The following STXBP4 variants were observed in gnomAD, a reference collection of about 807,000 sequenced individuals.
The protein encoded by STXBP4 is syntaxin binding protein 4, also known as syntaxin-binding protein 4.
In STXBP4, 55 loss-of-function variants were observed where a neutral mutation model predicts 76.1. The ratio of observed to expected loss-of-function variants is 0.72; its 90% confidence interval spans 0.58 to 0.91. STXBP4 has a LOEUF of 0.91. Among genes scored for constraint, STXBP4 ranks in the 40% least tolerant of loss-of-function variants. STXBP4 has a pLI of 0.00. For missense variants in STXBP4, 618 were observed against 636.9 expected (o/e 0.97, Z 0.32); for synonymous variants, 201 against 220.2 (o/e 0.91, Z 0.77).
At chr17:55,017,714 T>C (rs941325842) in intron 8 of STXBP4, among the ~76,000 whole-genome samples, 1 of 152,160 alleles carries the variant, frequency 6.6e-6, no homozygotes, top group African/African-American at 2.4e-5. Flanking sequence ...GACAGCTTTC[T>C]TACTCTAGTC....
At chr17:55,142,656 A>C (rs774655190) in intron 17 of STXBP4, among the ~76,000 whole-genome samples, 1 of 152,210 alleles carries the variant, frequency 6.6e-6, no homozygotes. Context: ...CTGAACAATC[A>C]TATGACCATT....
intron 11 of STXBP4, 115 bp downstream of exon 11, chr17:55,043,440 T>C (rs1457594984): frequency 1.5e-5 from 11 of 733,962 alleles, no homozygotes; most frequent in Non-Finnish European, 2.1e-6. Flanking sequence ...GGAAAAATAT[T>C]AATATCAAAT....
chr17:55,084,001 A>G (rs2079291621), intron 16 of STXBP4, among the ~76,000 whole-genome samples: 2 of 152,190 alleles, frequency 1.3e-5, no homozygotes, highest in African/African-American at 4.8e-5. Context: ...ATAATATGTG[A>G]TACATTACTG....
chr17:55,015,117 CAG>C (rs927832706), intron 8 of STXBP4, among the ~76,000 whole-genome samples: 4 of 152,176 alleles, frequency 2.6e-5, no homozygotes, highest in Admixed American at 1.3e-4. Context: ...AGTCAGGTGA[CAG>C]AGAGGTATGC....
rs372088484 is a variant in STXBP4 at position 55,017,083 on chromosome 17, G to T, written c.666+9486G>T. The stretch of plus-strand genomic sequence containing the variant: ...AACAAGGTAGTATTGGAGTGTTATA[G>T]GGTCACGGAGAAGACCTTCAATTAT... On this transcript the variant is annotated intron_variant, in intron 8 of 17. Transcript: ENST00000376352. Among the ~76,000 whole-genome samples, 9 of 152,256 alleles carry T rather than the reference G, an allele frequency of 5.9e-5. No homozygotes were observed. The East Asian group carries it at 1.4e-3, about 23-fold the overall frequency.
At chr17:55,174,314 A>C (rs530747648), downstream of STXBP4, among the ~76,000 whole-genome samples, 1 of 152,330 alleles carries the variant, frequency 6.6e-6, no homozygotes, top group South Asian at 2.1e-4. Flanking sequence ...TCGGCTGTGT[A>C]TGAGAGTTCC....
intron 17 of STXBP4, among the ~76,000 whole-genome samples, chr17:55,148,940 A>G (rs2080185980): frequency 6.6e-6 from 1 of 152,220 alleles, no homozygotes; most frequent in Admixed American, 6.5e-5. Flanking sequence ...CTGACAAATT[A>G]GTAAGATCTA....
Position 55,026,226 on chromosome 17 carries a change from A to G in STXBP4, c.667-4942A>G, listed in dbSNP as rs186083449. 5.7e-4 allele frequency among the ~76,000 whole-genome samples: 87 copies of G among 152,328 alleles called. 1 individual carries two copies. Among genetic ancestry groups the G allele is most frequent in the African/African-American group, 2.1e-3 (86 of 41,586 alleles). ...GATTTAATGCAATCTTTATCAAAAT[A>G]TCAGTTGGCTATTTTTCAGAAATGG... is the stretch of plus-strand genomic sequence containing the variant. On this transcript the variant is annotated intron_variant, in intron 8 of 17. Coordinates refer to ENST00000376352, the MANE Select transcript of STXBP4 (RefSeq NM_178509.6).
intron 16 of STXBP4, among the ~76,000 whole-genome samples, chr17:55,120,686 G>A (rs2079834101): frequency 6.6e-6 from 1 of 152,214 alleles, no homozygotes; most frequent in Non-Finnish European, 1.5e-5. Context: ...AATGGCTGCT[G>A]CAGAGCATTG....
intron 12 of STXBP4, among the ~76,000 whole-genome samples, chr17:55,064,777 T>G (rs1481147702): frequency 6.6e-6 from 1 of 152,196 alleles, no homozygotes; most frequent in East Asian, 1.9e-4. Context: ...GTGCCGGGAT[T>G]ACAGTCTAAT....
At chr17:54,969,458 G>A (rs2077352647) in intron 1 of STXBP4, among the ~76,000 whole-genome samples, 1 of 152,170 alleles carries the variant, frequency 6.6e-6, no homozygotes, top group East Asian at 1.9e-4. Flanking sequence ...AGGTTAGGGG[G>A]TTCTGGATTT....
intron 16 of STXBP4, among the ~76,000 whole-genome samples, chr17:55,100,249 C>T (rs2145012877): frequency 6.6e-6 from 1 of 152,182 alleles, no homozygotes; most frequent in East Asian, 1.9e-4. Flanking sequence ...ATATTACAGA[C>T]TCCATGGGCA....
chr17:54,972,149 C>G (rs2077410150), intron 1 of STXBP4, among the ~76,000 whole-genome samples: 1 of 152,136 alleles, frequency 6.6e-6, no homozygotes, highest in African/African-American at 2.4e-5. Context: ...ATTGGGTCTG[C>G]CAGGTTTCTC....
At chr17:55,139,384 C>A (rs549797148) in intron 16 of STXBP4, among the ~76,000 whole-genome samples, 19 of 152,156 alleles carry the variant, frequency 1.2e-4, no homozygotes, top group South Asian at 1.0e-3. Flanking sequence ...ATTTAGCGGG[C>A]AAAAATTGTA....
intron 12 of STXBP4, among the ~76,000 whole-genome samples, chr17:55,052,202 TGAG>T (rs2078868067): frequency 6.6e-6 from 1 of 151,910 alleles, no homozygotes. Context: ...ATTTCAGAAA[TGAG>T]GAAGGGTAAG....
chr17:55,159,757 C>T (rs1373376301), intron 17 of STXBP4, 40 bp from the exon 18 acceptor site: 1 of 1,355,978 alleles, frequency 7.4e-7, no homozygotes, highest in Non-Finnish European at 1.1e-6. Flanking sequence ...AGTAGAAGGA[C>T]AGTCTTTCAG....
chr17:55,132,120 A>C (rs573986228), intron 16 of STXBP4, among the ~76,000 whole-genome samples: 63 of 152,342 alleles, frequency 4.1e-4, no homozygotes, highest in African/African-American at 1.4e-3. Flanking sequence ...GAAAAGAAGA[A>C]TATCAACTCT....
At chr17:55,140,492 C>A (rs555101424) in intron 16 of STXBP4, among the ~76,000 whole-genome samples, 1 of 152,050 alleles carries the variant, frequency 6.6e-6, no homozygotes, top group Non-Finnish European at 1.5e-5. Flanking sequence ...AAATCCTTAG[C>A]AGTACTTGGA....
At chr17:54,974,304 T>A (rs943204700) in intron 1 of STXBP4, among the ~76,000 whole-genome samples, 1 of 152,196 alleles carries the variant, frequency 6.6e-6, no homozygotes, top group African/African-American at 2.4e-5. Context: ...AAATATATGG[T>A]GTTTGCTTAA....
Sources: gnomAD v4.1 joint callset for allele counts (sites outside exome capture counted in the v4.1 genomes callset) on GRCh38, gnomAD v4.1.1 for gene constraint, MANE v1.5 for transcripts, NCBI Gene and HGNC (gene_info 2026-07-23, HGNC 2026-07-21) for gene names.